Variants in ADARB1 observed in about 807,000 individuals in gnomAD.
ADARB1 encodes the protein adenosine deaminase RNA specific B1, also known as double-stranded RNA-specific editase 1.
A neutral mutation model predicts 52.4 loss-of-function variants in ADARB1; 10 were observed. The observed-to-expected ratio is 0.19, with a 90% CI of 0.12 to 0.32. The LOEUF is 0.32. Among genes scored for constraint, ADARB1 ranks in the 10% least tolerant of loss-of-function variants. ADARB1 has a pLI of 1.00. For missense variants in ADARB1, 643 were observed against 922.3 expected (o/e 0.70, Z 3.92); for synonymous variants, 349 against 371.1 (o/e 0.94, Z 0.68).
intron 1 of ADARB1, among the ~76,000 whole-genome samples, chr21:45,075,084 C>G (rs2123578834): frequency 6.7e-6 from 1 of 150,090 alleles, no homozygotes; most frequent in South Asian, 2.1e-4. Flanking sequence ...CCGCGCTGCG[C>G]CGCGGGGAGG....
chr21:45,163,530 T>TC (rs779938738), intron 2 of ADARB1, among the ~76,000 whole-genome samples: 9 of 151,564 alleles, frequency 5.9e-5, no homozygotes, highest in South Asian at 4.2e-4. Context: ...GCCAGGAATC[T>TC]CCCCCCCACC....
intron 2 of ADARB1, among the ~76,000 whole-genome samples, chr21:45,148,820 G>C (rs1006777759): frequency 1.3e-5 from 2 of 152,154 alleles, no homozygotes; most frequent in Admixed American, 6.5e-5. Context: ...CGAGATCTCT[G>C]CATCATTTCT....
intron 4 of ADARB1, among the ~76,000 whole-genome samples, chr21:45,179,910 G>A (rs1343404062): frequency 5.9e-5 from 9 of 152,056 alleles, no homozygotes; most frequent in Non-Finnish European, 8.8e-5. Context: ...GAGCCACACC[G>A]TGTGTGCATG....
In ADARB1 at chr21:45,075,543, C is replaced by T; in HGVS notation, c.-220+750C>T. On this transcript the variant is annotated intron_variant, in intron 1 of 10. Coordinates refer to ENST00000348831, the MANE Select transcript of ADARB1 (RefSeq NM_001112.4). Reference sequence around the variant, plus strand: ...CAGGGAAGTTCCTGCGGGTGCCGGGCGTCTGCAGCGATCGGGAGCAATCTG... The same window carrying T: ...CAGGGAAGTTCCTGCGGGTGCCGGGTGTCTGCAGCGATCGGGAGCAATCTG... Among the ~76,000 whole-genome samples the T allele has an allele frequency of 1.3e-5, 2 of 152,240 alleles. 1 individual carries two copies. The highest frequency in any genetic ancestry group is 2.9e-5 in the Non-Finnish European group (2 of 68,046).
intron 2 of ADARB1, among the ~76,000 whole-genome samples, chr21:45,150,543 CTA>C (rs1272705950): frequency 2.0e-5 from 3 of 152,164 alleles, no homozygotes; most frequent in Non-Finnish European, 2.9e-5. Flanking sequence ...AGAAATAAAA[CTA>C]TTGATAATTC....
At chr21:45,116,819 C>T (rs1378808359) in intron 1 of ADARB1, 4 of 152,212 alleles carry the variant, frequency 2.6e-5, no homozygotes, top group Admixed American at 6.5e-5. Flanking sequence ...TGGGTCCCTC[C>T]CACAGCACGT....
At chr21:45,097,445 T>C (rs1380806953) in intron 1 of ADARB1, among the ~76,000 whole-genome samples, 1 of 152,056 alleles carries the variant, frequency 6.6e-6, no homozygotes, top group Non-Finnish European at 1.5e-5. Flanking sequence ...TGATTTTTTT[T>C]TTTTTTTCTG....
intron 2 of ADARB1, chr21:45,144,595 A>C: frequency 2.2e-6 from 1 of 445,184 alleles, no homozygotes; most frequent in South Asian, 1.6e-5. Flanking sequence ...TGAATCAGAC[A>C]TTCTATTTTT....
chr21:45,075,239 G>C (rs1036806298), intron 1 of ADARB1, among the ~76,000 whole-genome samples: 2 of 151,100 alleles, frequency 1.3e-5, no homozygotes, highest in African/African-American at 2.4e-5. Context: ...GGTTGCGCCG[G>C]GGAACGGGAG....
In ADARB1 at chr21:45,175,906, A is replaced by G; in HGVS notation, c.205A>G (p.Lys69Glu). 6.2e-7 allele frequency: 1 copy of G among 1,609,890 alleles called. No homozygotes were observed. The highest frequency in any genetic ancestry group is 1.7e-5 in the Admixed American group (1 of 59,176). ...TGGCCACTCCAAGTACCGCCTGAAG[A>G]AAAGGAGGAAAACACCAGGGCCCGT... ...SNGHSKYRLK[K>E]RRKTPGPVLP... is the part of the protein sequence containing the mutation. Residue 69 changes from lysine (K) to glutamate (E), a missense_variant, in exon 4 of 11, where the codon AAA becomes GAA. Around this residue, in one of 2 missense-constraint regions of ADARB1, gnomAD observed 380 missense variants for 446.5 expected, o/e 0.85. Transcript: ENST00000348831.
rs1045398467 is a variant in ADARB1 at position 45,221,289 on chromosome 21, C to T, written c.1926+275C>T. Among the ~76,000 whole-genome samples, 2 of 152,228 alleles carry T rather than the reference C, an allele frequency of 1.3e-5. No individual in the cohort carries two copies. The highest frequency in any genetic ancestry group is 4.1e-4 in the South Asian group (2 of 4,834). On this transcript the variant is annotated intron_variant, in intron 10 of 10. Coordinates refer to ENST00000348831, the MANE Select transcript of ADARB1 (RefSeq NM_001112.4). This position sits in a 1 kb window ranked among gnomAD's most constrained non-coding sequence, Gnocchi z 4.9. ...GTGTGTGGTGGAAACGTCTCTTACTCTCAGATATTGAAAGTCATTATGCAA... is the reference window on the plus strand; with the variant it reads ...GTGTGTGGTGGAAACGTCTCTTACTTTCAGATATTGAAAGTCATTATGCAA...
chr21:45,076,475 C>A (rs1029337889), intron 1 of ADARB1, among the ~76,000 whole-genome samples: 1 of 152,170 alleles, frequency 6.6e-6, no homozygotes, highest in Non-Finnish European at 1.5e-5. Flanking sequence ...CCCACTACAT[C>A]TACATCACAT....
chr21:45,193,305 AAAG>A (rs1304070097), intron 8 of ADARB1, among the ~76,000 whole-genome samples: 3 of 152,242 alleles, frequency 2.0e-5, no homozygotes, highest in Non-Finnish European at 2.9e-5. Context: ...ACAAACTAAA[AAAG>A]ACACAGAAAA....
chr21:45,205,165 G>A (rs1349133960), intron 9 of ADARB1, among the ~76,000 whole-genome samples: 2 of 152,172 alleles, frequency 1.3e-5, no homozygotes, highest in Non-Finnish European at 2.9e-5. Flanking sequence ...GGAGGCTGAG[G>A]TGGGAGGATC....
In ADARB1 at chr21:45,220,581, G is replaced by T. The variant is rs567152515; in HGVS notation, c.1748-255G>T. Among the ~76,000 whole-genome samples the T allele has an allele frequency of 2.6e-5, 4 of 152,314 alleles. No homozygotes were observed. The highest frequency in any genetic ancestry group is 9.6e-5 in the African/African-American group (4 of 41,562). On this transcript the variant is annotated intron_variant, in intron 9 of 10. Transcript: ENST00000348831. The surrounding 1 kb of genome is among the most constrained non-coding windows in gnomAD (Gnocchi z 6.3). Reference sequence around the variant, plus strand: ...GTTTCTGTCAATCTTCTGCCCACCTGCCCTGTCAGACAAGTGCATACCCGT... The same window carrying T: ...GTTTCTGTCAATCTTCTGCCCACCTTCCCTGTCAGACAAGTGCATACCCGT...
intron 2 of ADARB1, among the ~76,000 whole-genome samples, chr21:45,147,382 T>C (rs1285050334): frequency 3.3e-5 from 5 of 152,234 alleles, no homozygotes; most frequent in Non-Finnish European, 7.3e-5. Context: ...GGGTTGCTTT[T>C]GACGTCCTCT....
intron 9 of ADARB1, among the ~76,000 whole-genome samples, chr21:45,207,541 G>C (rs2092690267): frequency 6.6e-6 from 1 of 151,930 alleles, no homozygotes; most frequent in African/African-American, 2.4e-5. Flanking sequence ...ATAGATTTGG[G>C]AGGTCACACT....
At chr21:45,187,370 A>G (rs1004811643) in intron 8 of ADARB1, among the ~76,000 whole-genome samples, 16 of 152,136 alleles carry the variant, frequency 1.1e-4, no homozygotes, top group Non-Finnish European at 1.3e-4. Context: ...TTTGTATCCT[A>G]TGATTTTGCT....
chr21:45,183,225 A>T, intron 6 of ADARB1, 137 bp from the exon 7 acceptor site: 2 of 823,086 alleles, frequency 2.4e-6, no homozygotes, highest in Non-Finnish European at 3.6e-6. Context: ...TGTATTAATT[A>T]CCCTAAACAT....
Sources: allele counts gnomAD v4.1 joint callset (sites outside exome capture counted in the v4.1 genomes callset), GRCh38; gene constraint gnomAD v4.1.1; regional missense constraint gnomAD v4.1.1; non-coding constraint Gnocchi (gnomAD v3.1); transcripts MANE v1.5; gene names NCBI Gene and HGNC (gene_info 2026-07-23, HGNC 2026-07-21).